The following GLG1 variants were observed in gnomAD, a reference collection of about 807,000 sequenced individuals.
GLG1 encodes the protein Golgi apparatus protein 1.
GLG1 carries 38 observed loss-of-function variants against 160.5 expected under a neutral mutation model. That is an observed-to-expected ratio of 0.24 (90% confidence interval 0.18 to 0.31). GLG1 has a LOEUF of 0.31. GLG1 is among the 10% of genes least tolerant of loss of function. The pLI, the probability that GLG1 is intolerant of heterozygous loss-of-function variation, is 1.00. For synonymous variants in GLG1, 644 were observed against 543.4 expected (o/e 1.19, Z -2.57); for missense variants, 1,373 against 1,505.2 (o/e 0.91, Z 1.45).
chr16:74,586,722 T>C (rs1958061681), intron 1 of GLG1, among the ~76,000 whole-genome samples: 3 of 151,768 alleles, frequency 2.0e-5, no homozygotes, highest in Admixed American at 6.6e-5. Context: ...TTTTGAAATG[T>C]AGTCTCGCTA....
At chr16:74,523,628 T>C (rs149056871) in intron 2 of GLG1, among the ~76,000 whole-genome samples, 62 of 152,250 alleles carry the variant, frequency 4.1e-4, no homozygotes, top group Non-Finnish European at 7.4e-4. Flanking sequence ...TTTACACTTA[T>C]CTGTAGAGTG....
chr16:74,503,289 A>C (rs1352602537), intron 4 of GLG1, among the ~76,000 whole-genome samples: 1 of 152,148 alleles, frequency 6.6e-6, no homozygotes, highest in Non-Finnish European at 1.5e-5. Flanking sequence ...AATATTGTGA[A>C]GATAACACCA....
chr16:74,489,644 A>G (rs1384561319), intron 8 of GLG1, among the ~76,000 whole-genome samples: 1 of 152,188 alleles, frequency 6.6e-6, no homozygotes, highest in Non-Finnish European at 1.5e-5. Context: ...ACTGCACCCT[A>G]GAAACAACAC....
At chr16:74,510,236 G>A (rs1032368205) in intron 2 of GLG1, among the ~76,000 whole-genome samples, 1 of 149,614 alleles carries the variant, frequency 6.7e-6, no homozygotes, top group Non-Finnish European at 1.5e-5. Context: ...TCTCCATGTT[G>A]GTCAGGCTGG....
At chr16:74,566,931 A>G (rs1193582435) in intron 1 of GLG1, among the ~76,000 whole-genome samples, 3 of 152,206 alleles carry the variant, frequency 2.0e-5, no homozygotes, top group Non-Finnish European at 4.4e-5. Context: ...ACATATTGCT[A>G]AGATGTGAAT....
chr16:74,580,329 A>C (rs371677547), intron 1 of GLG1, among the ~76,000 whole-genome samples: 13 of 151,796 alleles, frequency 8.6e-5, no homozygotes, highest in African/African-American at 3.1e-4. Flanking sequence ...TACAAAAAAA[A>C]CTAAAAAAAA....
intron 1 of GLG1, among the ~76,000 whole-genome samples, chr16:74,542,750 G>GAAGGA (rs2017923057): frequency 1.9e-4 from 4 of 20,938 alleles, no homozygotes; most frequent in Admixed American, 7.7e-4. Context: ...AGGAAGGAAG[G>GAAGGA]AAGGAAGGAA....
chr16:74,487,520 G>C (rs1021614312), intron 8 of GLG1, among the ~76,000 whole-genome samples: 3 of 152,136 alleles, frequency 2.0e-5, no homozygotes, highest in African/African-American at 7.2e-5. Flanking sequence ...TTCTACGATA[G>C]AAGTTATTTA....
intron 1 of GLG1, among the ~76,000 whole-genome samples, chr16:74,560,931 G>A (rs948148405): frequency 6.7e-6 from 1 of 150,000 alleles, no homozygotes; most frequent in East Asian, 2.0e-4. Context: ...AAGCTATAAA[G>A]GCATAAAAAT....
At chr16:74,522,408 C>A (rs899250000) in intron 2 of GLG1, among the ~76,000 whole-genome samples, 2 of 152,242 alleles carry the variant, frequency 1.3e-5, no homozygotes, top group African/African-American at 4.8e-5. Context: ...TCGGTATTGG[C>A]ACTGTCAAGG....
chr16:74,485,815 T>C lies in GLG1; in HGVS notation c.1552A>G (p.Ile518Val), dbSNP rs1468829395. The change falls in exon 9 of 26, where the codon ATA (isoleucine) becomes GTA (valine). Residue 518 changes from isoleucine to valine, a missense_variant. This residue lies in a region of GLG1 where 386 missense variants were observed against 388.5 expected (regional missense o/e 0.99). Coordinates refer to ENST00000422840, the MANE Select transcript of GLG1 (RefSeq NM_001145667.2). ...ESVIQTACKH[I>V]RSGDPMILSC... is the part of the protein sequence containing the mutation. ...ACTTACATTGGGTCTCCAGATCTTA[T>C]ATGTTTGCAGGCTGTCTGGATTACA... 2.5e-6 allele frequency: 4 copies of C among 1,613,394 alleles called. No homozygotes were observed. Among genetic ancestry groups the C allele is most frequent in the South Asian group, 2.2e-5 (2 of 91,032 alleles).
At chr16:74,519,953 T>C (rs2017106852) in intron 2 of GLG1, among the ~76,000 whole-genome samples, 1 of 152,220 alleles carries the variant, frequency 6.6e-6, no homozygotes, top group Non-Finnish European at 1.5e-5. Flanking sequence ...TTATTGACTA[T>C]GTAAAAAGTT....
chr16:74,524,447 G>T (rs2017273398), intron 2 of GLG1, among the ~76,000 whole-genome samples: 1 of 151,858 alleles, frequency 6.6e-6, no homozygotes, highest in Non-Finnish European at 1.5e-5. Context: ...TCTAGGGTGG[G>T]TGCTAAAATT....
chr16:74,564,997 C>T (rs557804419), intron 1 of GLG1, among the ~76,000 whole-genome samples: 25 of 152,270 alleles, frequency 1.6e-4, no homozygotes, highest in African/African-American at 6.0e-4. Flanking sequence ...CAAATAAGTA[C>T]ATTTATGGAT....
intron 13 of GLG1, 180 bp downstream of exon 13, chr16:74,474,366 G>A: frequency 1.7e-6 from 1 of 582,840 alleles, no homozygotes; most frequent in Non-Finnish European, 3.1e-6. Flanking sequence ...AATGAGGGAA[G>A]GAGCTCACAA....
At chr16:74,599,305 C>T (rs1356243195) in intron 1 of GLG1, among the ~76,000 whole-genome samples, 2 of 152,178 alleles carry the variant, frequency 1.3e-5, no homozygotes, top group East Asian at 3.8e-4. Context: ...GTCAATACAG[C>T]CCCTTTAATA....
chr16:74,572,527 C>CA (rs35659060), intron 1 of GLG1, among the ~76,000 whole-genome samples: 12,878 of 127,342 alleles, frequency 0.1, 693 homozygotes, highest in Non-Finnish European at 0.13. Flanking sequence ...AAAAAACAAA[C>CA]AAAAAAAAAA....
rs556474794 is a variant in GLG1 at position 74,458,765 on chromosome 16, A to G, written c.3145-771T>C. On this transcript the variant is annotated intron_variant, in intron 23 of 25. Transcript: ENST00000422840. ...TTACCTCTGTTGTCCTCAGAAAGAA[A>G]AACAGAAAGGACAGGGCATAACATC... 6.6e-5 allele frequency among the ~76,000 whole-genome samples: 10 copies of G among 152,340 alleles called. No individual in the cohort carries two copies. The East Asian group carries it at 1.7e-3, about 26-fold the overall frequency.
At chr16:74,580,919 A>G (rs1442596656) in intron 1 of GLG1, among the ~76,000 whole-genome samples, 1 of 152,182 alleles carries the variant, frequency 6.6e-6, no homozygotes, top group East Asian at 1.9e-4. Context: ...AAAAATACAA[A>G]AAATTAGTGC....
Sources: allele counts gnomAD v4.1 joint callset (sites outside exome capture counted in the v4.1 genomes callset), GRCh38; gene constraint gnomAD v4.1.1; regional missense constraint gnomAD v4.1.1; transcripts MANE v1.5; gene names NCBI Gene and HGNC (gene_info 2026-07-23, HGNC 2026-07-21).